Variants in CCDC33 observed in about 807,000 individuals in gnomAD.
The protein encoded by CCDC33 is coiled-coil domain containing 33.
CCDC33 carries 94 observed loss-of-function variants against 91.9 expected under a neutral mutation model. The observed-to-expected ratio is 1.02, with a 90% CI of 0.87 to 1.21. The LOEUF (loss-of-function observed/expected upper bound fraction) is 1.21, where lower values mean the gene tolerates loss of function less well. CCDC33 is among the 50% of genes most tolerant of loss of function. The probability of loss-of-function intolerance (pLI) is 0.00; values close to 1 mark genes in which losing one functional copy is unlikely to be tolerated. For synonymous variants in CCDC33, 396 were observed against 374.5 expected (o/e 1.06, Z -0.66); for missense variants, 940 against 935.5 (o/e 1.00, Z -0.06).
At chr15:74,255,142 C>T (rs138114434) in intron 2 of CCDC33, among the ~76,000 whole-genome samples, 222 of 148,818 alleles carry the variant, frequency 1.5e-3, no homozygotes, top group African/African-American at 5.2e-3. Flanking sequence ...CTCTCCTGAG[C>T]TCCAGTTCCA....
At chr15:74,292,902 G>T (rs540925556) in intron 10 of CCDC33, among the ~76,000 whole-genome samples, 1 of 152,204 alleles carries the variant, frequency 6.6e-6, no homozygotes, top group South Asian at 2.1e-4. Context: ...GAGACTGATG[G>T]GGTAAAGGCA....
chr15:74,266,864 C>T (rs1039559587), intron 4 of CCDC33, 77 bp downstream of exon 4: 2 of 1,064,352 alleles, frequency 1.9e-6, no homozygotes, highest in Non-Finnish European at 2.9e-6. Context: ...TCCCTCGGAG[C>T]AGCCCTGAGC....
At chr15:74,264,232 C>T (rs1345413309) in intron 3 of CCDC33, among the ~76,000 whole-genome samples, 15 of 70,320 alleles carry the variant, frequency 2.1e-4, no homozygotes, top group South Asian at 4.8e-4. Context: ...GGCCAAGAGG[C>T]GGGGGAAGGG....
At position 74,295,750 on chromosome 15, in the gene CCDC33, T is replaced by A. The variant is rs565232246; in HGVS notation, c.1096-4T>A. On this transcript the variant is annotated splice_region_variant and splice_polypyrimidine_tract_variant and intron_variant, in intron 10 of 18. Transcript: ENST00000398814. ...TGAAGTTTCTCTGCACCTTCTCTTC[T>A]CAGAGACCAGAAAACTTCTTGACAC... is the stretch of plus-strand genomic sequence containing the variant. The A allele has an allele frequency of 6.2e-7, 1 of 1,610,394 alleles. No homozygotes were observed. Among genetic ancestry groups the A allele is most frequent in the African/African-American group, 1.3e-5 (1 of 74,756 alleles).
chr15:74,247,982 C>T (rs1427764200), intron 2 of CCDC33, among the ~76,000 whole-genome samples: 2 of 152,026 alleles, frequency 1.3e-5, no homozygotes, highest in Non-Finnish European at 2.9e-5. Flanking sequence ...GAGGCTGAGG[C>T]AGGAGAATCA....
chr15:74,303,528 CA>C, intron 11 of CCDC33: 1 of 153,242 alleles, frequency 6.5e-6, no homozygotes, highest in Non-Finnish European at 1.5e-5. Context: ...GACACGTTCC[CA>C]AAACACTGGC....
At chr15:74,295,708 A>G in intron 10 of CCDC33, 46 bp from the exon 11 acceptor site, 2 of 1,519,950 alleles carry the variant, frequency 1.3e-6, no homozygotes, top group South Asian at 2.5e-5. Flanking sequence ...AGATGGGCAC[A>G]GAGAAGGGGC....
chr15:74,268,902 T>A (rs2076243019), intron 5 of CCDC33, among the ~76,000 whole-genome samples: 1 of 152,244 alleles, frequency 6.6e-6, no homozygotes, highest in Admixed American at 6.5e-5. Flanking sequence ...AGCAAAAGTT[T>A]AGGGCCTCCT....
At chr15:74,336,429 A>T (rs2060568681), downstream of CCDC33, 1 of 1,296,932 alleles carries the variant, frequency 7.7e-7, no homozygotes, top group African/African-American at 1.5e-5. Flanking sequence ...TGTCCTTTTC[A>T]TCTGCCCCAA....
intron 1 of CCDC33, among the ~76,000 whole-genome samples, chr15:74,237,107 C>G (rs2075187288): frequency 6.6e-6 from 1 of 152,248 alleles, no homozygotes; most frequent in Non-Finnish European, 1.5e-5. Flanking sequence ...CTTGGCAGCC[C>G]TGATGCCCCC....
upstream of CCDC33, among the ~76,000 whole-genome samples, chr15:74,234,545 T>C (rs1195016251): frequency 6.6e-6 from 1 of 151,942 alleles, no homozygotes; most frequent in Non-Finnish European, 1.5e-5. Context: ...GGGTCCTTGG[T>C]CTGGGGAGGT....
chr15:74,235,974 A>G (rs1480302326), upstream of CCDC33, among the ~76,000 whole-genome samples: 2 of 152,138 alleles, frequency 1.3e-5, no homozygotes, highest in East Asian at 3.9e-4. Context: ...AAATAAATGG[A>G]AGACTATAGG....
intron 10 of CCDC33, among the ~76,000 whole-genome samples, chr15:74,284,445 G>A (rs960674923): frequency 4.6e-5 from 7 of 152,120 alleles, no homozygotes; most frequent in African/African-American, 1.7e-4. Flanking sequence ...AAATCTAAAG[G>A]GGCCCATCCC....
chr15:74,268,400 T>C lies in CCDC33; in HGVS notation c.488T>C (p.Val163Ala). ...GCCAAGACCCAGTTGTACGCAACAG[T>C]CGTTCGGAAGAGCAGCTTCATACCC... is the stretch of plus-strand genomic sequence containing the variant. ...ATAKTQLYAT[V>A]VRKSSFIPRY... is the part of the protein sequence containing the mutation. The change falls in exon 5 of 19, where the codon GTC becomes GCC. Residue 163 changes from valine (V) to alanine (A), a missense_variant. Val to Ala is a moderately conservative substitution (Grantham distance 64). Coordinates refer to ENST00000398814, the MANE Select transcript of CCDC33 (RefSeq NM_025055.5). 1 of 1,610,842 alleles carries C rather than the reference T, an allele frequency of 6.2e-7. No homozygotes were observed. Among genetic ancestry groups the C allele is most frequent in the Non-Finnish European group, 8.5e-7 (1 of 1,178,442 alleles).
At chr15:74,261,509 G>A (rs2076022250) in intron 2 of CCDC33, among the ~76,000 whole-genome samples, 1 of 152,194 alleles carries the variant, frequency 6.6e-6, no homozygotes, top group Admixed American at 6.5e-5. Flanking sequence ...TCCCATCCTG[G>A]GGTACCATTA....
chr15:74,283,741 G>A (rs1417039093), intron 10 of CCDC33, among the ~76,000 whole-genome samples: 1 of 151,730 alleles, frequency 6.6e-6, no homozygotes, highest in Non-Finnish European at 1.5e-5. Flanking sequence ...TCAGGATTGG[G>A]TGTGTACCAA....
In CCDC33 at chr15:74,255,778, C is replaced by A. The variant is rs983285498; in HGVS notation, c.186-6662C>A. ...GAGCCCAGTTCCCCCACTTTCCCCC[C>A]ACAGCTGGGTTCTGCTTCCCCACTT... On this transcript the variant is annotated intron_variant, in intron 2 of 18. Coordinates refer to ENST00000398814, the MANE Select transcript of CCDC33 (RefSeq NM_025055.5). 7.9e-5 allele frequency among the ~76,000 whole-genome samples: 12 copies of A among 152,382 alleles called. No individual in the cohort carries two copies. The South Asian group carries it at 2.3e-3, about 29-fold the overall frequency.
chr15:74,335,542 C>T, intron 18 of CCDC33: 2 of 356,476 alleles, frequency 5.6e-6, no homozygotes, highest in East Asian at 1.1e-4. Flanking sequence ...CGAGAACAAA[C>T]AGGCCTGCTC....
chr15:74,245,257 A>T (rs1369061092), intron 2 of CCDC33, among the ~76,000 whole-genome samples: 1 of 152,216 alleles, frequency 6.6e-6, no homozygotes, highest in Non-Finnish European at 1.5e-5. Flanking sequence ...ACTGAGGCCA[A>T]CACCTGGTTA....
Sources: gnomAD v4.1 joint callset for allele counts (sites outside exome capture counted in the v4.1 genomes callset) on GRCh38, gnomAD v4.1.1 for gene constraint, MANE v1.5 for transcripts, NCBI Gene and HGNC (gene_info 2026-07-23, HGNC 2026-07-21) for gene names.